The following KHDRBS2 variants were observed in gnomAD, a reference collection of about 807,000 sequenced individuals.
KHDRBS2 encodes the protein KH RNA binding domain containing, signal transduction associated 2.
KHDRBS2 carries 26 observed loss-of-function variants against 44.3 expected under a neutral mutation model. The ratio of observed to expected loss-of-function variants is 0.59; its 90% confidence interval spans 0.43 to 0.81. The LOEUF (loss-of-function observed/expected upper bound fraction) is 0.81, where lower values mean the gene tolerates loss of function less well. KHDRBS2 is among the 40% of genes least tolerant of loss of function. The pLI, the probability that KHDRBS2 is intolerant of heterozygous loss-of-function variation, is 0.00. For synonymous variants in KHDRBS2, 194 were observed against 151.1 expected, an observed-to-expected ratio of 1.28 and a Z score of -2.08; for missense variants, 476 against 433.1, an observed-to-expected ratio of 1.10 and a Z score of -0.88.
chr6:61,779,561 G>T (rs555184972), intron 6 of KHDRBS2, among the ~76,000 whole-genome samples: 1 of 152,232 alleles, frequency 6.6e-6, no homozygotes, highest in South Asian at 2.1e-4. Flanking sequence ...AGAAGTTAAA[G>T]AATGACTGAG....
intron 7 of KHDRBS2, among the ~76,000 whole-genome samples, chr6:61,725,679 A>C (rs2127557836): frequency 6.6e-6 from 1 of 152,318 alleles, no homozygotes; most frequent in South Asian, 2.1e-4. Flanking sequence ...TATGCACATA[A>C]ACTAGACAAT....
chr6:61,546,493 A>C, the KHDRBS2 span, among the ~76,000 whole-genome samples: 21 of 152,274 alleles, frequency 1.4e-4, no homozygotes, highest in African/African-American at 4.6e-4. Flanking sequence ...GGCTAATTTA[A>C]ACAAGAGTTA....
chr6:62,032,345 T>C (rs1240121082), intron 3 of KHDRBS2, among the ~76,000 whole-genome samples: 1 of 151,830 alleles, frequency 6.6e-6, no homozygotes, highest in Non-Finnish European at 1.5e-5. Flanking sequence ...AAAAGAGAGA[T>C]TGGCCTAGTC....
chr6:61,778,543 TAAAAGA>T (rs1782455231), intron 6 of KHDRBS2, among the ~76,000 whole-genome samples: 1 of 152,140 alleles, frequency 6.6e-6, no homozygotes, highest in South Asian at 2.1e-4. Flanking sequence ...AATGGGCAGT[TAAAAGA>T]AAAAGATAAA....
At chr6:61,980,015 T>C (rs1773512582) in intron 3 of KHDRBS2, among the ~76,000 whole-genome samples, 1 of 152,142 alleles carries the variant, frequency 6.6e-6, no homozygotes, top group African/African-American at 2.4e-5. Flanking sequence ...ATATGGTCAT[T>C]GAGTGACATT....
intron 2 of KHDRBS2, among the ~76,000 whole-genome samples, chr6:62,150,680 G>A (rs1305063559): frequency 6.6e-6 from 1 of 152,106 alleles, no homozygotes; most frequent in African/African-American, 2.4e-5. Flanking sequence ...GAAAAATGCC[G>A]ATTCCTTTCC....
the KHDRBS2 span, among the ~76,000 whole-genome samples, chr6:61,561,445 C>T: frequency 2.0e-5 from 3 of 152,192 alleles, no homozygotes; most frequent in Non-Finnish European, 4.4e-5. Context: ...GTGAGTTTTC[C>T]TGGGCCACAG....
intron 7 of KHDRBS2, among the ~76,000 whole-genome samples, chr6:61,701,686 GACAAA>G (rs902463112): frequency 5.9e-5 from 9 of 151,860 alleles, no homozygotes; most frequent in African/African-American, 1.9e-4. Flanking sequence ...TTATTAAAAA[GACAAA>G]ACAAAACAAA....
At chr6:61,646,145 A>G in the KHDRBS2 span, among the ~76,000 whole-genome samples, 2 of 152,206 alleles carry the variant, frequency 1.3e-5, no homozygotes, top group South Asian at 2.1e-4. Flanking sequence ...CAATCACTCT[A>G]TGGTGTGATC....
At chr6:62,163,178 T>C (rs1817996913) in intron 2 of KHDRBS2, among the ~76,000 whole-genome samples, 1 of 152,004 alleles carries the variant, frequency 6.6e-6, no homozygotes, top group Non-Finnish European at 1.5e-5. Context: ...ACAAGCAGTT[T>C]TGCAACAGGA....
chr6:62,034,125 C>G (rs1784830148), intron 3 of KHDRBS2, among the ~76,000 whole-genome samples: 1 of 151,496 alleles, frequency 6.6e-6, no homozygotes, highest in South Asian at 2.1e-4. Flanking sequence ...GGAAGAAATC[C>G]CAAACCTAAA....
chr6:61,852,562 CAA>C (rs773776834), intron 6 of KHDRBS2, among the ~76,000 whole-genome samples: 12 of 70,186 alleles, frequency 1.7e-4, no homozygotes, highest in African/African-American at 1.7e-4. Context: ...GACTCCGTCT[CAA>C]AAAAAAAAAA....
At chr6:62,127,599 G>A (rs1488134270) in intron 2 of KHDRBS2, among the ~76,000 whole-genome samples, 1 of 151,612 alleles carries the variant, frequency 6.6e-6, no homozygotes, top group African/African-American at 2.4e-5. Context: ...AATTCAAATT[G>A]AAACAACTCT....
intron 4 of KHDRBS2, among the ~76,000 whole-genome samples, chr6:61,926,492 A>C (rs73489426): frequency 0.01 from 1,576 of 152,240 alleles, 28 homozygotes; most frequent in African/African-American, 0.036. Flanking sequence ...AGAAGATGGA[A>C]AACAAAAACG....
chr6:61,763,766 A>G (rs762998383), intron 6 of KHDRBS2, among the ~76,000 whole-genome samples: 1 of 152,156 alleles, frequency 6.6e-6, no homozygotes, highest in Non-Finnish European at 1.5e-5. Flanking sequence ...ACAATGACCA[A>G]TTGTGAATTT....
intron 2 of KHDRBS2, among the ~76,000 whole-genome samples, chr6:62,097,343 A>G (rs1251435415): frequency 1.3e-5 from 2 of 151,970 alleles, no homozygotes; most frequent in African/African-American, 4.8e-5. Flanking sequence ...GTCCCCTACT[A>G]TTATTGCATT....
chr6:61,943,528 G>C (rs906096875), intron 4 of KHDRBS2, among the ~76,000 whole-genome samples: 1 of 151,958 alleles, frequency 6.6e-6, no homozygotes, highest in African/African-American at 2.4e-5. Context: ...ATACAGACTG[G>C]CATTATAAAG....
chr6:62,164,627 G>T (rs999511581), intron 2 of KHDRBS2, among the ~76,000 whole-genome samples: 2 of 151,636 alleles, frequency 1.3e-5, no homozygotes, highest in Non-Finnish European at 3.0e-5. Flanking sequence ...TACTCAAGGG[G>T]AACAAACTCA....
intron 7 of KHDRBS2, among the ~76,000 whole-genome samples, chr6:61,728,370 G>T (rs1773914281): frequency 6.6e-6 from 1 of 151,980 alleles, no homozygotes; most frequent in African/African-American, 2.4e-5. Context: ...GGGATAATCT[G>T]TGCAGCAAAC....
Sources: gnomAD v4.1 joint callset for allele counts (sites outside exome capture counted in the v4.1 genomes callset) on GRCh38, gnomAD v4.1.1 for gene constraint, MANE v1.5 for transcripts, NCBI Gene and HGNC (gene_info 2026-07-23, HGNC 2026-07-21) for gene names.